DNAH14: variants seen among roughly 807,000 people sequenced by gnomAD.
The protein encoded by DNAH14 is axonemal beta dynein heavy chain 14.
DNAH14 carries 478 observed loss-of-function variants against 520.9 expected under a neutral mutation model. The observed-to-expected ratio is 0.92, with a 90% CI of 0.85 to 0.99. The LOEUF (loss-of-function observed/expected upper bound fraction) is 0.99. Among genes scored for constraint, DNAH14 ranks in the 50% least tolerant of loss-of-function variants. DNAH14 has a pLI of 0.00. For synonymous variants in DNAH14, 1,581 were observed against 1,757.2 expected (o/e 0.90, Z 2.51); for missense variants, 4,831 against 5,234.5 (o/e 0.92, Z 2.38).
Position 225,360,955 on chromosome 1 carries a change from G to A in DNAH14, c.11987+64G>A, listed in dbSNP as rs796282934. ...TTACCAAAACTATAAAGTAAAACTGGAAATGTCAATGTATACTGTGTGTAA... is the reference window on the plus strand; with the variant it reads ...TTACCAAAACTATAAAGTAAAACTGAAAATGTCAATGTATACTGTGTGTAA... On this transcript the variant is annotated intron_variant, in intron 75 of 85. Coordinates refer to ENST00000682510, the MANE Select transcript of DNAH14 (RefSeq NM_001367479.1). The A allele has an allele frequency of 2.2e-5, 31 of 1,430,290 alleles. No individual in the cohort carries two copies. The African/African-American group carries it at 4.3e-4, about 20-fold the overall frequency. 88.6% of individuals were successfully genotyped at this position (1,430,290 alleles called of 1,614,324 possible).
chr1:225,246,561 A>G (rs1298100961), intron 43 of DNAH14, among the ~76,000 whole-genome samples: 2 of 152,108 alleles, frequency 1.3e-5, no homozygotes, highest in Non-Finnish European at 2.9e-5. Flanking sequence ...ATCAAAAAGT[A>G]GGTAAAAGAT....
In DNAH14 at chr1:225,043,983, A is replaced by C; in HGVS notation, c.1912A>C (p.Thr638Pro). 5 of 1,465,360 alleles carry C rather than the reference A, an allele frequency of 3.4e-6. No individual in the cohort carries two copies. Among genetic ancestry groups the C allele is most frequent in the Non-Finnish European group, 4.6e-6 (5 of 1,083,522 alleles). 90.8% of individuals were successfully genotyped at this position (1,465,360 alleles called of 1,614,324 possible). A position where few individuals can be genotyped will look rare whatever the true frequency, so the allele number is the denominator to read the frequency against. ...NMLTNMEKCITTITPLCQDPQ... is the reference protein window; with the variant it reads ...NMLTNMEKCIPTITPLCQDPQ... ...GTTGACTAATATGGAAAAATGTATAAGTAAGTGTTTTTAAAGCTTAGTGAA... is the reference window on the plus strand; with the variant it reads ...GTTGACTAATATGGAAAAATGTATACGTAAGTGTTTTTAAAGCTTAGTGAA... The change falls in exon 15 of 86, where the codon ACC (threonine) becomes CCC (proline). Residue 638 changes from threonine to proline, a missense_variant and splice_region_variant. Physicochemically the swap from Thr to Pro is conservative, Grantham distance 38. Coordinates refer to ENST00000682510, the MANE Select transcript of DNAH14 (RefSeq NM_001367479.1).
chr1:225,076,501 GT>G (rs1342557898), intron 17 of DNAH14, among the ~76,000 whole-genome samples: 1 of 152,174 alleles, frequency 6.6e-6, no homozygotes, highest in Non-Finnish European at 1.5e-5. Context: ...TATAGTTGAT[GT>G]TTCTACAGGG....
At chr1:225,096,816 A>T (rs2075020982) in intron 21 of DNAH14, among the ~76,000 whole-genome samples, 1 of 152,186 alleles carries the variant, frequency 6.6e-6, no homozygotes, top group South Asian at 2.1e-4. Context: ...GAAGTAGGAA[A>T]TAAGTGTTAA....
intron 35 of DNAH14, among the ~76,000 whole-genome samples, chr1:225,161,194 AC>A (rs1365410968): frequency 1.3e-5 from 2 of 152,052 alleles, no homozygotes; most frequent in Non-Finnish European, 1.5e-5. Flanking sequence ...GCCTCTGGTA[AC>A]CGTCCTTCTA....
intron 27 of DNAH14, 22 bp downstream of exon 27, chr1:225,123,636 G>T (rs886647424): frequency 3.9e-5 from 15 of 386,278 alleles, no homozygotes; most frequent in African/African-American, 3.1e-4. Context: ...CTGCTTTGAT[G>T]TATGTATACA....
intron 66 of DNAH14, among the ~76,000 whole-genome samples, chr1:225,335,173 A>ACATGTGCG (rs1291032125): frequency 3.5e-5 from 4 of 114,312 alleles, no homozygotes; most frequent in South Asian, 6.0e-4. Flanking sequence ...GTGCATGTGT[A>ACATGTGCG]CATGTGCGCA....
intron 8 of DNAH14, among the ~76,000 whole-genome samples, chr1:225,001,547 C>G (rs12093086): frequency 0.015 from 2,312 of 152,184 alleles, 47 homozygotes; most frequent in East Asian, 0.053. Flanking sequence ...CTTGTTAGAT[C>G]ATGCATTACA....
chr1:225,092,836 G>A (rs1236253861), intron 21 of DNAH14, among the ~76,000 whole-genome samples: 1 of 151,950 alleles, frequency 6.6e-6, no homozygotes, highest in Non-Finnish European at 1.5e-5. Context: ...AATGACAAAG[G>A]GGACATTGCC....
chr1:225,312,327 G>C (rs7523005), intron 60 of DNAH14, among the ~76,000 whole-genome samples: 36,099 of 152,014 alleles, frequency 0.24, 4,496 homozygotes, highest in East Asian at 0.35. Context: ...TTGCTTATCA[G>C]CTTAAGGAGT....
chr1:225,399,161 C>T lies in DNAH14; in HGVS notation c.13746C>T (p.Thr4582=), dbSNP rs1160160466. ...TPERSRILAT[T]GLPTNFLTSV... is the part of the protein sequence containing the mutation. Reference sequence around the variant, plus strand: ...AGAGGTCAAGAATTTTGGCAACTACCGGTTTACCAACAAACTTTTTAACAT... The same window carrying T: ...AGAGGTCAAGAATTTTGGCAACTACTGGTTTACCAACAAACTTTTTAACAT... Residue 4582 remains threonine, a synonymous_variant, in exon 86 of 86, where the codon ACC becomes ACT. Transcript: ENST00000682510. The T allele has an allele frequency of 7.1e-6, 11 of 1,551,460 alleles. No individual in the cohort carries two copies. Among genetic ancestry groups the T allele is most frequent in the Admixed American group, 2.0e-5 (1 of 50,996 alleles).
In DNAH14 at chr1:225,380,718, G is replaced by A. The variant is rs1320997971; in HGVS notation, c.12880+396G>A. Among the ~76,000 whole-genome samples, 4 of 152,194 alleles carry A rather than the reference G, an allele frequency of 2.6e-5. No homozygotes were observed. In the East Asian group the frequency reaches 7.7e-4, roughly 29 times the overall value. ...GACTCCAAGAAGCTAAGGGGAATCA[G>A]GGCAGGCCCAGGAAGACAGAGGAAG... is the stretch of plus-strand genomic sequence containing the variant. On this transcript the variant is annotated intron_variant, in intron 80 of 85. Transcript: ENST00000682510.
chr1:225,140,009 G>A (rs1245962148), intron 27 of DNAH14, among the ~76,000 whole-genome samples: 5 of 152,138 alleles, frequency 3.3e-5, no homozygotes, highest in African/African-American at 4.8e-5. Context: ...TTCTCATCCT[G>A]TATGCTCCTA....
At chr1:225,395,486 A>G (rs1558628742) in intron 84 of DNAH14, among the ~76,000 whole-genome samples, 2 of 151,236 alleles carry the variant, frequency 1.3e-5, no homozygotes, top group African/African-American at 2.4e-5. Flanking sequence ...CAGCTACTCG[A>G]GAGGCTGAGG....
chr1:225,374,920 T>A, intron 78 of DNAH14, 35 bp downstream of exon 78: 1 of 1,491,596 alleles, frequency 6.7e-7, no homozygotes, highest in Non-Finnish European at 9.0e-7. Context: ...CATTTCTCGA[T>A]AATTTTAAAG....
chr1:225,285,849 CCT>C (rs2093728178), intron 54 of DNAH14, among the ~76,000 whole-genome samples: 1 of 151,790 alleles, frequency 6.6e-6, no homozygotes, highest in East Asian at 1.9e-4. Flanking sequence ...AAAGTGAGAC[CCT>C]GTCTCAAAAA....
intron 41 of DNAH14, among the ~76,000 whole-genome samples, chr1:225,215,568 T>G (rs1207190699): frequency 6.6e-6 from 1 of 152,210 alleles, no homozygotes; most frequent in Non-Finnish European, 1.5e-5. Context: ...GCTTTATGAA[T>G]CTGGGTGCTC....
chr1:225,051,465 G>T lies in DNAH14; in HGVS notation c.2094G>T (p.Leu698=). Residue 698 remains leucine (L), a synonymous_variant, in exon 17 of 86, where the codon CTG becomes CTT. Transcript: ENST00000682510. ...CTTCTTTACAGATTGTGAATCTCCT[G>T]ACTATTATTGGTAATTCAATGGGCC... ...PAYQNIIVNL[L]TIIGNSMGLV... 1 of 1,493,092 alleles carries T rather than the reference G, an allele frequency of 6.7e-7. No individual in the cohort carries two copies. Among genetic ancestry groups the T allele is most frequent in the South Asian group, 1.4e-5 (1 of 73,574 alleles). 92.5% of individuals were successfully genotyped at this position (1,493,092 alleles called of 1,614,324 possible).
At chr1:225,203,554 T>A (rs1026856863) in intron 38 of DNAH14, among the ~76,000 whole-genome samples, 8 of 152,134 alleles carry the variant, frequency 5.3e-5, no homozygotes, top group Admixed American at 6.5e-5. Flanking sequence ...ACTCAGCTCT[T>A]TTACAGAGAT....
Sources: allele counts gnomAD v4.1 joint callset (sites outside exome capture counted in the v4.1 genomes callset), GRCh38; gene constraint gnomAD v4.1.1; transcripts MANE v1.5; gene names NCBI Gene and HGNC (gene_info 2026-07-23, HGNC 2026-07-21).